Variants in IRS2 observed in about 807,000 individuals in gnomAD.
IRS2 encodes the protein insulin receptor substrate 2.
IRS2 carries 28 observed loss-of-function variants against 70.9 expected under a neutral mutation model. The observed-to-expected ratio is 0.39, with a 90% confidence interval of 0.29 to 0.54. IRS2 has a LOEUF of 0.54. Ranked by LOEUF, IRS2 falls within the 20% of genes least tolerant of loss-of-function variation. IRS2 has a pLI of 0.59. For missense variants in IRS2, 2,081 were observed against 2,024.1 expected (o/e 1.03, Z -0.54); for synonymous variants, 1,217 against 981.9 (o/e 1.24, Z -4.48).
At position 109,784,349 on chromosome 13, in the gene IRS2, G is replaced by C; in HGVS notation, c.1705C>G (p.Arg569Gly). The C allele has an allele frequency of 1.2e-6, 2 of 1,609,090 alleles. No individual in the cohort carries two copies. The highest frequency in any genetic ancestry group is 1.7e-6 in the Non-Finnish European group (2 of 1,179,382). Reference sequence around the variant, plus strand: ...GAGTAGGTCCTCTTGCGCAGCCCTCGGTCCAGGTCCTGGGCCGCGTCCCCC... The same window carrying C: ...GAGTAGGTCCTCTTGCGCAGCCCTCCGTCCAGGTCCTGGGCCGCGTCCCCC... ...VSGDAAQDLD[R>G]GLRKRTYSLT... Residue 569 changes from arginine (R) to glycine (G), a missense_variant, in exon 1 of 2, where the codon CGA becomes GGA. Physicochemically the swap from Arg to Gly is moderately radical, Grantham distance 125 (BLOSUM62 -2). Transcript: ENST00000375856. The surrounding 1 kb of genome is among the most constrained non-coding windows in gnomAD (Gnocchi z 5.2).
intron 1 of IRS2, among the ~76,000 whole-genome samples, chr13:109,771,260 G>A (rs1195451309): frequency 1.3e-5 from 2 of 151,594 alleles, no homozygotes; most frequent in Non-Finnish European, 2.9e-5. Flanking sequence ...TATCTAAAAG[G>A]GTTTTGTGTA....
intron 1 of IRS2, among the ~76,000 whole-genome samples, chr13:109,772,917 G>A (rs1184827261): frequency 7.3e-5 from 11 of 151,634 alleles, no homozygotes; most frequent in East Asian, 3.9e-4. Context: ...GGATGGTCTC[G>A]ATCTCCTGAC....
chr13:109,777,014 C>T (rs181915377), intron 1 of IRS2, among the ~76,000 whole-genome samples: 2 of 152,214 alleles, frequency 1.3e-5, no homozygotes, highest in African/African-American at 2.4e-5. Context: ...AACATTAAAA[C>T]GTTTTGTTCA....
chr13:109,782,073 G>A lies in IRS2; in HGVS notation c.3981C>T (p.Ser1327=), dbSNP rs764594327. Residue 1327 remains serine (S), a synonymous_variant, in exon 1 of 2, where the codon TCC becomes TCT. Transcript: ENST00000375856. ...CGATGGTGGCCTCCTTCAAGTGGTG[G>A]GACAAGAAGTCAATGCTGGCGTAGG... ...ANTYASIDFL[S]HHLKEATIVK... The A allele has an allele frequency of 1.2e-6, 2 of 1,612,574 alleles. No homozygotes were observed. The highest frequency in any genetic ancestry group is 1.7e-6 in the Non-Finnish European group (2 of 1,179,878).
In IRS2 at chr13:109,785,971, T is replaced by TTGC; in HGVS notation, c.82_83insGCA (p.Asn27_Asn28insSer). 6.9e-7 allele frequency: 1 copy of TTGC among 1,453,148 alleles called. No homozygotes were observed. Among genetic ancestry groups the TTGC allele is most frequent in the Non-Finnish European group, 9.1e-7 (1 of 1,104,892 alleles). The allele number at this position is 1,453,148 out of a possible 1,614,324, so 90.0% of individuals were successfully genotyped here. A position where few individuals can be genotyped will look rare whatever the true frequency, so the allele number is the denominator to read the frequency against. Reference sequence around the variant, plus strand: ...GTAGCCGCACTTGCGCACGCTGTGGTTGTTGTTGTTGTTGTTGTTGTTGAG... The same window carrying TTGC: ...GTAGCCGCACTTGCGCACGCTGTGGTTGCTGTTGTTGTTGTTGTTGTTGTTGAG... On this transcript the variant is annotated inframe_insertion, in exon 1 of 2. Coordinates refer to ENST00000375856, the MANE Select transcript of IRS2 (RefSeq NM_003749.3). This position sits in a 1 kb window ranked among gnomAD's most constrained non-coding sequence, Gnocchi z 9.3.
At chr13:109,781,771 C>A (rs1877709366) in intron 1 of IRS2, among the ~76,000 whole-genome samples, 1 of 151,844 alleles carries the variant, frequency 6.6e-6, no homozygotes, top group South Asian at 2.1e-4. Context: ...GGCTGTGGGA[C>A]GCACAGAATG....
In IRS2 at chr13:109,781,436, C is replaced by T. The variant is rs550431996; in HGVS notation, c.4012+606G>A. On this transcript the variant is annotated intron_variant, in intron 1 of 1. Transcript: ENST00000375856. ...GTGCAGCCTTACCGTTTCACCCCTT[C>T]CGAGAAAAACAATGCCTCTGATGGA... Among the ~76,000 whole-genome samples the T allele has an allele frequency of 5.3e-5, 8 of 152,228 alleles. No homozygotes were observed. The South Asian group carries it at 1.2e-3, about 24-fold the overall frequency.
At position 109,782,076 on chromosome 13, in the gene IRS2, C is replaced by T. The variant is rs1262851206; in HGVS notation, c.3978G>A (p.Leu1326=). ...TGGTGGCCTCCTTCAAGTGGTGGGA[C>T]AAGAAGTCAATGCTGGCGTAGGTGT... is the stretch of plus-strand genomic sequence containing the variant. ...PANTYASIDF[L]SHHLKEATIV... is the part of the protein sequence containing the mutation. Residue 1326 remains leucine (L), a synonymous_variant, in exon 1 of 2, where the codon TTG becomes TTA. Transcript: ENST00000375856. The T allele has an allele frequency of 1.2e-6, 2 of 1,612,474 alleles. No individual in the cohort carries two copies. Among genetic ancestry groups the T allele is most frequent in the African/African-American group, 1.3e-5 (1 of 74,922 alleles).
In IRS2 at chr13:109,785,415, C is replaced by G; in HGVS notation, c.639G>C (p.Leu213=). The G allele has an allele frequency of 6.2e-7, 1 of 1,612,444 alleles. No homozygotes were observed. Among genetic ancestry groups the G allele is most frequent in the Non-Finnish European group, 8.5e-7 (1 of 1,179,888 alleles). The part of the protein sequence containing the change: ...KPKGLGQSKN[L]TGVYRLCLSA... ...ACAGGCACAGACGGTACACCCCCGT[C>G]AGGTTCTTGCTCTGGCCCAGACCCT... is the stretch of plus-strand genomic sequence containing the variant. Residue 213 remains leucine, a synonymous_variant, in exon 1 of 2, where the codon CTG becomes CTC. Transcript: ENST00000375856. The surrounding 1 kb of genome is among the most constrained non-coding windows in gnomAD (Gnocchi z 9.3).
rs375324802 is a variant in IRS2, at chr13:109,755,214, C to CTTTTTTTTTTTTTTTTTTT, written c.*1089_*1090insAAAAAAAAAAAAAAAAAAA. The CTTTTTTTTTTTTTTTTTTT allele has an allele frequency of 5.2e-6, 1 of 194,040 alleles. No homozygotes were observed. The allele number at this position is 194,040 out of a possible 1,614,324, so 12.0% of individuals were successfully genotyped here. ...CTCTTTTTATCAGTTTCTTTCTTTC[C>CTTTTTTTTTTTTTTTTTTT]TTTTTTTTTTTTCTTTTTGTTTTTT... On this transcript the variant is annotated 3_prime_UTR_variant, in exon 2 of 2. Transcript: ENST00000375856.
At position 109,782,905 on chromosome 13, in the gene IRS2, A is replaced by C. The variant is rs1877759812; in HGVS notation, c.3149T>G (p.Val1050Gly). 2.6e-6 allele frequency: 4 copies of C among 1,548,986 alleles called. No homozygotes were observed. The highest frequency in any genetic ancestry group is 3.5e-6 in the Non-Finnish European group (4 of 1,146,488). The stretch of plus-strand genomic sequence containing the variant: ...GGCGCCCGGGCCCTGGGCGGTGGCA[A>C]CGGCCGAGGCGGGGGGCAGGCGGTA... ...ELYRLPPASA[V>G]ATAQGPGAAS... Residue 1050 changes from valine (V) to glycine (G), a missense_variant, in exon 1 of 2, where the codon GTT becomes GGT. By Grantham distance (109) the Val-to-Gly change is moderately radical. This residue lies in a region of IRS2 where 1,615 missense variants were observed against 1,459.5 expected (regional missense o/e 1.11). Transcript: ENST00000375856.
chr13:109,773,274 A>AG (rs1353778227), intron 1 of IRS2, among the ~76,000 whole-genome samples: 1 of 152,202 alleles, frequency 6.6e-6, no homozygotes, highest in South Asian at 2.1e-4. Flanking sequence ...CCTAGCAACA[A>AG]CTGATTAGTT....
chr13:109,762,241 C>T (rs977538427), intron 1 of IRS2, among the ~76,000 whole-genome samples: 5 of 152,238 alleles, frequency 3.3e-5, no homozygotes, highest in Admixed American at 1.3e-4. Context: ...CTGCAGCAGC[C>T]GCCAATGCCA....
intron 1 of IRS2, among the ~76,000 whole-genome samples, chr13:109,777,674 C>T (rs1007228541): frequency 6.6e-5 from 10 of 152,102 alleles, no homozygotes; most frequent in Non-Finnish European, 2.9e-5. Flanking sequence ...TCAATGCATT[C>T]GGCATTAAGA....
intron 1 of IRS2, among the ~76,000 whole-genome samples, chr13:109,756,824 G>A (rs1877116694): frequency 6.6e-6 from 1 of 152,184 alleles, no homozygotes; most frequent in South Asian, 2.1e-4. Flanking sequence ...TGTTATGAAA[G>A]TGGAGTAACT....
rs373720291 is a variant in IRS2, at chr13:109,784,140, G to A, written c.1914C>T (p.Gly638=). 1.2e-3 allele frequency: 1,953 copies of A among 1,593,424 alleles called. 32 individuals carry two copies. In the South Asian group the frequency reaches 0.02, roughly 17 times the overall value. ...YPEDYGDIEI[G]SHRSSSSNLG... ...GGTTGCTGCTGGAGCTCCTGTGGGA[G>A]CCGATCTCGATGTCTCCGTAGTCCT... is the stretch of plus-strand genomic sequence containing the variant. The change falls in exon 1 of 2, where the codon GGC becomes GGT. Residue 638 remains glycine, a synonymous_variant. Transcript: ENST00000375856. This position sits in a 1 kb window ranked among gnomAD's most constrained non-coding sequence, Gnocchi z 5.2.
intron 1 of IRS2, among the ~76,000 whole-genome samples, chr13:109,762,944 G>C (rs1877258486): frequency 6.6e-6 from 1 of 152,184 alleles, no homozygotes; most frequent in Non-Finnish European, 1.5e-5. Context: ...GTTCCAAGCA[G>C]AGGTCAGTAA....
In IRS2 at chr13:109,782,475, G is replaced by A. The variant is rs759524889; in HGVS notation, c.3579C>T (p.Gly1193=). The change falls in exon 1 of 2, where the codon GGC becomes GGT. Residue 1193 remains glycine (G), a synonymous_variant. Coordinates refer to ENST00000375856, the MANE Select transcript of IRS2 (RefSeq NM_003749.3). The stretch of plus-strand genomic sequence containing the variant: ...TGGGCGGCTCGTCGCCCCCTCCAGG[G>A]CCGACACCCACGCCGCCCTCGCTGC... ...RKSSEGGVGV[G]PGGGDEPPTS... is the part of the protein sequence containing the mutation. 1.9e-6 allele frequency: 3 copies of A among 1,561,228 alleles called. 1 individual carries two copies.
intron 1 of IRS2, among the ~76,000 whole-genome samples, chr13:109,757,547 G>A (rs1310092693): frequency 2.6e-5 from 4 of 151,984 alleles, no homozygotes; most frequent in African/African-American, 7.3e-5. Context: ...TTATGAACTC[G>A]AGGCACTACA....
Sources: gnomAD v4.1 joint callset for allele counts (sites outside exome capture counted in the v4.1 genomes callset) on GRCh38, gnomAD v4.1.1 for gene constraint, gnomAD v4.1.1 regional missense constraint, Gnocchi (gnomAD v3.1) non-coding constraint, MANE v1.5 for transcripts, NCBI Gene and HGNC (gene_info 2026-07-23, HGNC 2026-07-21) for gene names.